UNC13C: variants seen among roughly 807,000 people sequenced by gnomAD.
UNC13C encodes unc-13 homolog C, also known as protein unc-13 homolog C.
A neutral mutation model predicts 245.4 loss-of-function variants in UNC13C; 174 were observed. The observed-to-expected ratio is 0.71, with a 90% confidence interval of 0.63 to 0.80. UNC13C has a LOEUF of 0.80. Among genes scored for constraint, UNC13C ranks in the 30% least tolerant of loss-of-function variants. The pLI is 0.00. For missense variants in UNC13C, 2,829 were observed against 2,602.9 expected (o/e 1.09, Z -1.89); for synonymous variants, 992 against 895.1 (o/e 1.11, Z -1.93).
chr15:53,969,107 C>G, the UNC13C span, among the ~76,000 whole-genome samples: 19 of 152,286 alleles, frequency 1.2e-4, no homozygotes, highest in Admixed American at 5.2e-4. Context: ...ATTCCAGAAT[C>G]TCTGGAGTTC....
At chr15:54,078,750 A>G (rs1347483133) in intron 2 of UNC13C, among the ~76,000 whole-genome samples, 2 of 152,030 alleles carry the variant, frequency 1.3e-5, no homozygotes, top group East Asian at 3.8e-4. Flanking sequence ...TAGTTTGCAA[A>G]TACTTTCTCC....
the UNC13C span, among the ~76,000 whole-genome samples, chr15:53,925,295 A>G: frequency 6.6e-6 from 1 of 152,220 alleles, no homozygotes; most frequent in Non-Finnish European, 1.5e-5. Flanking sequence ...TTTTCTTGTT[A>G]TAAAATTTAA....
intron 19 of UNC13C, among the ~76,000 whole-genome samples, chr15:54,455,670 C>A (rs1488047989): frequency 6.6e-6 from 1 of 151,230 alleles, no homozygotes; most frequent in Admixed American, 6.6e-5. Flanking sequence ...TGAGAATTGT[C>A]TATTCATGAA....
At chr15:53,846,688 T>A in the UNC13C span, among the ~76,000 whole-genome samples, 2 of 152,184 alleles carry the variant, frequency 1.3e-5, no homozygotes, top group African/African-American at 4.8e-5. Context: ...GACAAATTTT[T>A]AAAAAAATTG....
intron 17 of UNC13C, among the ~76,000 whole-genome samples, chr15:54,378,822 T>C (rs754593084): frequency 6.6e-6 from 1 of 151,994 alleles, no homozygotes; most frequent in Non-Finnish European, 1.5e-5. Flanking sequence ...TGTAATATTT[T>C]ATAATTATGT....
intron 2 of UNC13C, among the ~76,000 whole-genome samples, chr15:54,078,108 A>G (rs1898735440): frequency 6.6e-6 from 1 of 152,224 alleles, no homozygotes; most frequent in African/African-American, 2.4e-5. Context: ...TTGATATAAT[A>G]GCCTCCAGCT....
the UNC13C span, among the ~76,000 whole-genome samples, chr15:53,948,822 A>C: frequency 6.6e-6 from 1 of 152,014 alleles, no homozygotes; most frequent in Non-Finnish European, 1.5e-5. Flanking sequence ...GACACAGAGT[A>C]GGAAGTATGG....
chr15:54,082,339 T>G (rs1021108613), intron 2 of UNC13C, among the ~76,000 whole-genome samples: 5 of 148,976 alleles, frequency 3.4e-5, no homozygotes, highest in African/African-American at 1.2e-4. Context: ...GCAATTTTCC[T>G]GAACTATTCT....
In UNC13C at chr15:54,623,969, C is replaced by T. The variant is rs777282587; in HGVS notation, c.6359+15C>T. 1 of 1,612,528 alleles carries T rather than the reference C, an allele frequency of 6.2e-7. No homozygotes were observed. Among genetic ancestry groups the T allele is most frequent in the Non-Finnish European group, 8.5e-7 (1 of 1,178,966 alleles). On this transcript the variant is annotated intron_variant, in intron 32 of 32. Coordinates refer to ENST00000260323, the MANE Select transcript of UNC13C (RefSeq NM_001080534.3). ...ACATTTCAGTTGTAAGTCATAAACC[C>T]ACCTTACTTATTCTACCAGGCAATA... is the stretch of plus-strand genomic sequence containing the variant.
Position 54,318,413 on chromosome 15 carries a change from G to A in UNC13C, c.4269-3526G>A, listed in dbSNP as rs534531326. ...CTTACCTCTTATCTTTTGGGTAATA[G>A]CCATTCTAATAGGAGTGAGGTAATA... On this transcript the variant is annotated intron_variant, in intron 13 of 32. Transcript: ENST00000260323. 2.6e-4 allele frequency among the ~76,000 whole-genome samples: 40 copies of A among 151,912 alleles called. 1 individual carries two copies. Among genetic ancestry groups the A allele is most frequent in the African/African-American group, 8.2e-4 (34 of 41,488 alleles).
rs887247841 is a variant in UNC13C, at chr15:54,095,205, G to A, written c.2984-47813G>A. ...TTTTTCTTTAGATTTCTCAGGCATC[G>A]TGCCTCTCAAACTCTAGGACATACA... On this transcript the variant is annotated intron_variant, in intron 2 of 32. Transcript: ENST00000260323. 3.9e-5 allele frequency among the ~76,000 whole-genome samples: 6 copies of A among 152,100 alleles called. No individual in the cohort carries two copies. In the East Asian group the frequency reaches 5.8e-4, roughly 15 times the overall value.
intron 30 of UNC13C, among the ~76,000 whole-genome samples, chr15:54,577,211 T>G (rs928535641): frequency 6.6e-6 from 1 of 151,880 alleles, no homozygotes; most frequent in Non-Finnish European, 1.5e-5. Flanking sequence ...CTACTTTTTT[T>G]TGGCAAACTC....
the UNC13C span, among the ~76,000 whole-genome samples, chr15:53,856,606 A>C: frequency 6.6e-6 from 1 of 152,084 alleles, no homozygotes; most frequent in Non-Finnish European, 1.5e-5. Flanking sequence ...TGTGGTTTTG[A>C]ATAAATTTCT....
Position 54,140,971 on chromosome 15 carries a change from A to T in UNC13C, c.2984-2047A>T, listed in dbSNP as rs1033461358. On this transcript the variant is annotated intron_variant, in intron 2 of 32. Coordinates refer to ENST00000260323, the MANE Select transcript of UNC13C (RefSeq NM_001080534.3). ...AGTGAATGAATGAAACATTGAAAGA[A>T]CTGATGTATTACCAGATTTAACAGC... is the stretch of plus-strand genomic sequence containing the variant. Among the ~76,000 whole-genome samples the T allele has an allele frequency of 2.6e-5, 4 of 152,304 alleles. No homozygotes were observed. In the South Asian group the frequency reaches 8.3e-4, roughly 32 times the overall value.
chr15:53,875,057 C>A, the UNC13C span, among the ~76,000 whole-genome samples: 1 of 152,068 alleles, frequency 6.6e-6, no homozygotes, highest in South Asian at 2.1e-4. Context: ...TGTGCCACTG[C>A]ACTCCAGCCT....
the UNC13C span, among the ~76,000 whole-genome samples, chr15:53,925,442 A>G: frequency 0.2 from 30,113 of 152,058 alleles, 3,967 homozygotes; most frequent in East Asian, 0.35. Context: ...TCTCTGTAGC[A>G]GTTAGCATTG....
At chr15:54,200,365 A>G (rs538190327) in intron 4 of UNC13C, among the ~76,000 whole-genome samples, 11 of 152,128 alleles carry the variant, frequency 7.2e-5, no homozygotes, top group African/African-American at 2.6e-4. Context: ...CTACCTAACA[A>G]CTGCAGAATA....
chr15:54,347,897 T>G (rs2038893988), intron 17 of UNC13C, among the ~76,000 whole-genome samples: 1 of 152,166 alleles, frequency 6.6e-6, no homozygotes, highest in Non-Finnish European at 1.5e-5. Flanking sequence ...TAGTTTCATC[T>G]TTGTGTACAT....
At chr15:54,629,344 C>T (rs1052461668), downstream of UNC13C, 11 of 151,888 alleles carry the variant, frequency 7.2e-5, no homozygotes, top group Admixed American at 5.9e-4. Flanking sequence ...AGCTTACTAC[C>T]TGGGTGACAA....
Sources: gnomAD v4.1 joint callset for allele counts (sites outside exome capture counted in the v4.1 genomes callset) on GRCh38, gnomAD v4.1.1 for gene constraint, MANE v1.5 for transcripts, NCBI Gene and HGNC (gene_info 2026-07-23, HGNC 2026-07-21) for gene names.